Variants in CGRRF1 observed in about 807,000 individuals in gnomAD.
CGRRF1 encodes the protein cell growth regulator with RING finger domain protein 1.
Under a neutral mutation model 37.2 loss-of-function variants are expected in CGRRF1, and 32 were observed. That is an observed-to-expected ratio of 0.86 (90% confidence interval 0.65 to 1.16). CGRRF1 has a LOEUF of 1.16. Among genes scored for constraint, CGRRF1 ranks in the 50% most tolerant of loss-of-function variants. The pLI, the probability that CGRRF1 is intolerant of heterozygous loss-of-function variation, is 0.00. For missense variants in CGRRF1, 391 were observed against 382.6 expected (o/e 1.02, Z -0.18); for synonymous variants, 141 against 140.3 (o/e 1.00, Z -0.04).
rs74053848 is a variant in CGRRF1 at position 54,520,097 on chromosome 14, A to C, written c.105-2357A>C. Among the ~76,000 whole-genome samples the C allele has an allele frequency of 5.2e-3, 787 of 152,166 alleles. 10 individuals are homozygous for C. Among genetic ancestry groups the C allele is most frequent in the African/African-American group, 0.018 (758 of 41,530 alleles). ...GTAACATTTACATATAAGATACACA[A>C]ATCTTATTTTTTATTTATTTATTTT... On this transcript the variant is annotated intron_variant, in intron 1 of 5. Transcript: ENST00000216420.
At chr14:54,520,869 C>A (rs1465829108) in intron 1 of CGRRF1, among the ~76,000 whole-genome samples, 1 of 151,786 alleles carries the variant, frequency 6.6e-6, no homozygotes, top group Non-Finnish European at 1.5e-5. Context: ...TTTAATTTTT[C>A]TTTTTCTTTT....
At chr14:54,532,016 G>A (rs919051787) in intron 4 of CGRRF1, among the ~76,000 whole-genome samples, 5 of 152,062 alleles carry the variant, frequency 3.3e-5, no homozygotes, top group African/African-American at 1.2e-4. Flanking sequence ...TGGTTTCTTA[G>A]GACAGGGCAA....
chr14:54,533,177 A>G (rs368604017), intron 4 of CGRRF1, among the ~76,000 whole-genome samples: 43 of 151,766 alleles, frequency 2.8e-4, no homozygotes, highest in East Asian at 1.9e-3. Context: ...TATTTTATAT[A>G]TAAAGTTTAC....
chr14:54,520,710 T>G (rs1011625693), intron 1 of CGRRF1, among the ~76,000 whole-genome samples: 1 of 152,244 alleles, frequency 6.6e-6, no homozygotes, highest in African/African-American at 2.4e-5. Flanking sequence ...TTCTGAAATT[T>G]ATCCATTTGA....
chr14:54,532,701 TA>T (rs200522235), intron 4 of CGRRF1, among the ~76,000 whole-genome samples: 8,163 of 120,754 alleles, frequency 0.068, 383 homozygotes, highest in African/African-American at 0.15. Flanking sequence ...ATTTGATAAG[TA>T]AAAAAAAAAA....
At chr14:54,527,930 A>G (rs778589568) in intron 2 of CGRRF1, among the ~76,000 whole-genome samples, 1 of 151,974 alleles carries the variant, frequency 6.6e-6, no homozygotes, top group Admixed American at 6.6e-5. Flanking sequence ...TTGTAGAGAC[A>G]TGGTTTTGCC....
chr14:54,518,934 T>C (rs2032265215), intron 1 of CGRRF1, among the ~76,000 whole-genome samples: 1 of 151,796 alleles, frequency 6.6e-6, no homozygotes. Context: ...TTTTGTTGTT[T>C]TGTTTTGTTT....
intron 4 of CGRRF1, among the ~76,000 whole-genome samples, chr14:54,532,520 C>T (rs903930443): frequency 2.0e-5 from 3 of 151,876 alleles, no homozygotes; most frequent in Non-Finnish European, 4.4e-5. Context: ...TAAGATGATG[C>T]GTAATTTGCA....
In CGRRF1 at chr14:54,530,953, C is replaced by A. The variant is rs539898514; in HGVS notation, c.473C>A (p.Thr158Asn). 57 of 1,601,770 alleles carry A rather than the reference C, an allele frequency of 3.6e-5. No homozygotes were observed. In the African/African-American group the frequency reaches 7.6e-4, roughly 21 times the overall value. Reference sequence around the variant, plus strand: ...ATATATTGCCAGTTACCAAGAGATACTAAAATTGAAGACTTTGGTACAGTA... The same window carrying A: ...ATATATTGCCAGTTACCAAGAGATAATAAAATTGAAGACTTTGGTACAGTA... ...EEIYCQLPRDTKIEDFGTVPR... is the reference protein window; with the variant it reads ...EEIYCQLPRDNKIEDFGTVPR... The change falls in exon 4 of 6, where the codon ACT becomes AAT. Residue 158 changes from threonine (T) to asparagine (N), a missense_variant. Transcript: ENST00000216420.
chr14:54,518,106 A>G (rs2032247272), intron 1 of CGRRF1, among the ~76,000 whole-genome samples: 1 of 152,172 alleles, frequency 6.6e-6, no homozygotes, highest in Non-Finnish European at 1.5e-5. Flanking sequence ...TATCTTTATA[A>G]TAGAATGATT....
At chr14:54,519,320 C>G (rs1594648638) in intron 1 of CGRRF1, among the ~76,000 whole-genome samples, 1 of 151,878 alleles carries the variant, frequency 6.6e-6, no homozygotes, top group Admixed American at 6.6e-5. Flanking sequence ...TTACTGCAGT[C>G]TTGACCTCCC....
intron 2 of CGRRF1, among the ~76,000 whole-genome samples, chr14:54,524,211 AC>A (rs1324835249): frequency 6.6e-6 from 1 of 152,028 alleles, no homozygotes; most frequent in Admixed American, 6.6e-5. Context: ...CTAGTATTTT[AC>A]AGAGTTGACC....
chr14:54,522,917 G>A (rs2032346180), intron 2 of CGRRF1, among the ~76,000 whole-genome samples: 1 of 152,184 alleles, frequency 6.6e-6, no homozygotes, highest in Non-Finnish European at 1.5e-5. Flanking sequence ...GAAATGATGT[G>A]TTATGTCTAA....
chr14:54,526,723 CT>C (rs2032417648), intron 2 of CGRRF1, among the ~76,000 whole-genome samples: 1 of 152,156 alleles, frequency 6.6e-6, no homozygotes, highest in South Asian at 2.1e-4. Context: ...AGCTTATTCA[CT>C]CTGGTAAGAG....
Position 54,531,021 on chromosome 14 carries a change from G to A in CGRRF1, c.541G>A (p.Asp181Asn). ...YPLVALLTLA[D>N]EDDREIYDII... ...ATTGGTAGCGCTATTGACCTTAGCT[G>A]ATGAGGATGACCGGGAAATTTATGA... The change falls in exon 4 of 6, where the codon GAT becomes AAT. Residue 181 changes from aspartate (D) to asparagine (N), a missense_variant. By Grantham distance (23) the Asp-to-Asn change is conservative. Coordinates refer to ENST00000216420, the MANE Select transcript of CGRRF1 (RefSeq NM_006568.3). 6.2e-7 allele frequency: 1 copy of A among 1,611,010 alleles called. No homozygotes were observed. Among genetic ancestry groups the A allele is most frequent in the Admixed American group, 1.7e-5 (1 of 59,308 alleles).
At chr14:54,520,148 G>A (rs542283767) in intron 1 of CGRRF1, among the ~76,000 whole-genome samples, 57 of 151,758 alleles carry the variant, frequency 3.8e-4, no homozygotes, top group Non-Finnish European at 6.0e-4. Context: ...TTGCTCTGTC[G>A]CTCAGGCTGG....
At chr14:54,525,753 T>A (rs1043999622) in intron 2 of CGRRF1, among the ~76,000 whole-genome samples, 2 of 152,164 alleles carry the variant, frequency 1.3e-5, no homozygotes, top group African/African-American at 2.4e-5. Context: ...CCAAACTGCC[T>A]GACATATAGC....
intron 1 of CGRRF1, among the ~76,000 whole-genome samples, chr14:54,513,773 A>G (rs934707981): frequency 1.3e-5 from 2 of 152,126 alleles, no homozygotes; most frequent in Non-Finnish European, 2.9e-5. Context: ...CAAGACCAAC[A>G]TGGGAAATAT....
chr14:54,538,040 A>G, intron 5 of CGRRF1, 23 bp from the exon 6 acceptor site: 1 of 1,538,742 alleles, frequency 6.5e-7, no homozygotes, highest in East Asian at 2.3e-5. Flanking sequence ...AATAATCTTT[A>G]AATTTATTTC....
Sources: gnomAD v4.1 joint callset for allele counts (sites outside exome capture counted in the v4.1 genomes callset) on GRCh38, gnomAD v4.1.1 for gene constraint, MANE v1.5 for transcripts, NCBI Gene and HGNC (gene_info 2026-07-23, HGNC 2026-07-21) for gene names.